AQP9: variants seen among roughly 807,000 people sequenced by gnomAD.
The protein encoded by AQP9 is aquaporin-9.
In AQP9, 19 loss-of-function variants were observed where a neutral mutation model predicts 23.8. That is an observed-to-expected ratio of 0.80 (90% CI 0.56 to 1.17). The LOEUF is 1.17. AQP9 is among the 50% of genes most tolerant of loss of function. AQP9 has a pLI of 0.00. For synonymous variants in AQP9, 153 were observed against 131.5 expected (o/e 1.16, Z -1.12); for missense variants, 413 against 362.0 (o/e 1.14, Z -1.14).
At chr15:58,176,158 A>G (rs1412566376) in intron 4 of AQP9, among the ~76,000 whole-genome samples, 1 of 152,236 alleles carries the variant, frequency 6.6e-6, no homozygotes. Context: ...CATTGTAAGC[A>G]GTATCTGCCC....
intron 1 of AQP9, among the ~76,000 whole-genome samples, chr15:58,159,121 G>T (rs1566984681): frequency 6.6e-6 from 1 of 152,170 alleles, no homozygotes; most frequent in African/African-American, 2.4e-5. Flanking sequence ...ATTTCAGCTT[G>T]TGATAATCAC....
chr15:58,163,545 A>G (rs1327673153), intron 1 of AQP9, among the ~76,000 whole-genome samples: 1 of 152,184 alleles, frequency 6.6e-6, no homozygotes, highest in African/African-American at 2.4e-5. Flanking sequence ...GTAGAGTACA[A>G]ACGCTACAGT....
intron 1 of AQP9, among the ~76,000 whole-genome samples, chr15:58,140,297 TTTGCTTTCAGCAGTTCACTGTTCAAC>T (rs1196441483): frequency 2.0e-5 from 3 of 151,900 alleles, no homozygotes; most frequent in African/African-American, 7.3e-5. Flanking sequence ...GAAAGTGAAA[TTTGCTTTCAGCAGTTCACTGTTCAAC>T]TGGCCTTGTG....
rs562884849 is a variant in AQP9 at position 58,171,675 on chromosome 15, G to C, written c.239-1393G>C. On this transcript the variant is annotated intron_variant, in intron 2 of 5. Transcript: ENST00000219919. Reference sequence around the variant, plus strand: ...TGCTCATTGTAGCCACTGAGTGGCAGGGGCAGGTGAAGAAAGGACTCTTGT... The same window carrying C: ...TGCTCATTGTAGCCACTGAGTGGCACGGGCAGGTGAAGAAAGGACTCTTGT... Among the ~76,000 whole-genome samples, 8 of 152,346 alleles carry C rather than the reference G, an allele frequency of 5.3e-5. No individual in the cohort carries two copies. The East Asian group carries it at 1.5e-3, about 29-fold the overall frequency.
intron 1 of AQP9, among the ~76,000 whole-genome samples, chr15:58,162,335 C>T (rs1898401333): frequency 6.6e-6 from 1 of 152,178 alleles, no homozygotes; most frequent in Non-Finnish European, 1.5e-5. Flanking sequence ...TATTGCAATG[C>T]CTGGTATGTG....
intron 1 of AQP9, among the ~76,000 whole-genome samples, chr15:58,158,847 G>A (rs1440777077): frequency 6.6e-6 from 1 of 152,124 alleles, no homozygotes; most frequent in Non-Finnish European, 1.5e-5. Flanking sequence ...AGGTTCCCTG[G>A]TGGTCCCTGG....
At chr15:58,140,155 T>G (rs1268906345) in intron 1 of AQP9, among the ~76,000 whole-genome samples, 2 of 151,932 alleles carry the variant, frequency 1.3e-5, no homozygotes, top group African/African-American at 4.8e-5. Flanking sequence ...GTTACAATTC[T>G]TAGTGCTCTG....
chr15:58,138,485 T>C lies in AQP9; in HGVS notation c.-81T>C, dbSNP rs1394784050. 4 of 1,106,286 alleles carry C rather than the reference T, an allele frequency of 3.6e-6. No homozygotes were observed. The African/African-American group carries it at 6.3e-5, about 17-fold the overall frequency. The allele number at this position is 1,106,286 out of a possible 1,614,324, so 68.5% of individuals were successfully genotyped here. On this transcript the variant is annotated 5_prime_UTR_variant, in exon 1 of 6. Coordinates refer to ENST00000219919, the MANE Select transcript of AQP9 (RefSeq NM_020980.5). ...GAATCTGTGAGCCATTGTCAAAACG[T>C]CCATTTTCATCTGGCTGTGAAAGTG...
At chr15:58,181,052 C>T (rs74715634) in intron 5 of AQP9, among the ~76,000 whole-genome samples, 2 of 152,288 alleles carry the variant, frequency 1.3e-5, no homozygotes, top group East Asian at 3.9e-4. Flanking sequence ...TTCTTCCACC[C>T]CCTTTGAGAC....
At chr15:58,146,421 A>G (rs1320421514) in intron 1 of AQP9, among the ~76,000 whole-genome samples, 6 of 151,860 alleles carry the variant, frequency 4.0e-5, no homozygotes, top group African/African-American at 1.5e-4. Context: ...TAGTTTCACT[A>G]TCTTTTCATT....
intron 4 of AQP9, 124 bp downstream of exon 4, chr15:58,175,160 G>A: frequency 3.2e-6 from 3 of 942,682 alleles, no homozygotes; most frequent in East Asian, 5.0e-5. Flanking sequence ...AGAGGTTGCT[G>A]GGCATAACCC....
chr15:58,141,075 T>A (rs1897942141), intron 1 of AQP9, among the ~76,000 whole-genome samples: 1 of 152,186 alleles, frequency 6.6e-6, no homozygotes, highest in Non-Finnish European at 1.5e-5. Flanking sequence ...AATTTGGCCT[T>A]TTAGTCATTG....
In AQP9 at chr15:58,179,209, C is replaced by G; in HGVS notation, c.577C>G (p.Pro193Ala). The change falls in exon 5 of 6, where the codon CCC becomes GCC. Residue 193 changes from proline to alanine, a missense_variant. Coordinates refer to ENST00000219919, the MANE Select transcript of AQP9 (RefSeq NM_020980.5). Reference protein sequence around the residue: ...RNLGAPRGLEPIAIGLLIIVI... With the variant: ...RNLGAPRGLEAIAIGLLIIVI... ...CTTGGGAGCCCCCAGAGGCCTAGAG[C>G]CCATTGCCATCGGCCTCCTGATTAT... 6.2e-7 allele frequency: 1 copy of G among 1,614,036 alleles called. No homozygotes were observed. The highest frequency in any genetic ancestry group is 2.2e-5 in the East Asian group (1 of 44,876).
At chr15:58,144,792 G>C (rs1898012306) in intron 1 of AQP9, among the ~76,000 whole-genome samples, 1 of 151,970 alleles carries the variant, frequency 6.6e-6, no homozygotes, top group South Asian at 2.1e-4. Context: ...GAGGTGGGCG[G>C]ATCAAGAGGT....
intron 2 of AQP9, 89 bp downstream of exon 2, chr15:58,166,888 CT>C: frequency 7.0e-7 from 1 of 1,436,156 alleles, no homozygotes; most frequent in Non-Finnish European, 9.2e-7. Flanking sequence ...CCTTAATTTA[CT>C]TATATCTCAA....
Position 58,181,721 on chromosome 15 carries a change from G to A in AQP9, c.714-2240G>A, listed in dbSNP as rs546722475. On this transcript the variant is annotated intron_variant, in intron 5 of 5. Coordinates refer to ENST00000219919, the MANE Select transcript of AQP9 (RefSeq NM_020980.5). ...TTATAGGGAGTAGCAAAGTATTTGG[G>A]GCAGAAGTTTGGCAGGTTTAGAATG... Among the ~76,000 whole-genome samples, 18 of 152,226 alleles carry A rather than the reference G, an allele frequency of 1.2e-4. No individual in the cohort carries two copies. In the South Asian group the frequency reaches 3.3e-3, roughly 28 times the overall value.
At chr15:58,146,887 C>G (rs538330830) in intron 1 of AQP9, 10 of 152,314 alleles carry the variant, frequency 6.6e-5, no homozygotes, top group African/African-American at 1.9e-4. Flanking sequence ...CAACTGTGAC[C>G]GTAAATGACT....
chr15:58,179,321 C>A lies in AQP9; in HGVS notation c.689C>A (p.Ala230Glu), dbSNP rs377352019. 1 of 1,613,518 alleles carries A rather than the reference C, an allele frequency of 6.2e-7. No homozygotes were observed. Among genetic ancestry groups the A allele is most frequent in the South Asian group, 1.1e-5 (1 of 90,980 alleles). ...AGTCCCAGACTTTTCACTGCCTTGG[C>A]AGGCTGGGGGTTTGAAGTCTTCAGG... ...DLSPRLFTAL[A>E]GWGFEVFRAG... Residue 230 changes from alanine to glutamate, a missense_variant, in exon 5 of 6, where the codon GCA becomes GAA. Ala to Glu is a moderately radical substitution (Grantham distance 107). Coordinates refer to ENST00000219919, the MANE Select transcript of AQP9 (RefSeq NM_020980.5).
chr15:58,167,978 G>A (rs1489316772), intron 2 of AQP9, among the ~76,000 whole-genome samples: 8 of 152,012 alleles, frequency 5.3e-5, no homozygotes, highest in African/African-American at 1.9e-4. Context: ...ACCTGCCTTG[G>A]CCTCCCAAAG....
Sources: allele counts gnomAD v4.1 joint callset (sites outside exome capture counted in the v4.1 genomes callset), GRCh38; gene constraint gnomAD v4.1.1; transcripts MANE v1.5; gene names NCBI Gene and HGNC (gene_info 2026-07-23, HGNC 2026-07-21).